Variants in BANP observed in about 807,000 individuals in gnomAD.
BANP encodes the protein BTG3 associated nuclear protein.
Under a neutral mutation model 68.1 loss-of-function variants are expected in BANP, and 11 were observed. The observed-to-expected ratio is 0.16, with a 90% confidence interval of 0.10 to 0.27. The LOEUF (loss-of-function observed/expected upper bound fraction) is 0.27, where lower values mean the gene tolerates loss of function less well. BANP is among the 10% of genes least tolerant of loss of function. The probability of loss-of-function intolerance (pLI) is 1.00; values close to 1 mark genes in which losing one functional copy is unlikely to be tolerated. For missense variants in BANP, 504 were observed against 722.7 expected (o/e 0.70, Z 3.47); for synonymous variants, 329 against 303.2 (o/e 1.09, Z -0.88).
intron 8 of BANP, 41 bp downstream of exon 8, chr16:88,027,691 G>C (rs531487815): frequency 3.9e-5 from 62 of 1,608,060 alleles, no homozygotes; most frequent in Non-Finnish European, 5.2e-5. Flanking sequence ...TCCCCCGCTC[G>C]GGGCAGCTGG....
chr16:88,046,062 C>G (rs1479727994), intron 11 of BANP, among the ~76,000 whole-genome samples: 1 of 152,260 alleles, frequency 6.6e-6, no homozygotes, highest in Non-Finnish European at 1.5e-5. Flanking sequence ...ACTGACCACA[C>G]TGGCACTGGT....
intron 4 of BANP, among the ~76,000 whole-genome samples, chr16:88,001,187 T>C (rs6540135): frequency 0.97 from 63,963 of 65,940 alleles, 31,276 homozygotes; most frequent in Non-Finnish European, 0.99. Context: ...CACGCACGTG[T>C]GCGGCTGTAC....
intron 8 of BANP, among the ~76,000 whole-genome samples, chr16:88,031,354 G>C (rs182004014): frequency 6.6e-6 from 1 of 152,292 alleles, no homozygotes; most frequent in East Asian, 1.9e-4. Context: ...TCAACATTCT[G>C]TTAATGTGAC....
At chr16:88,025,207 T>C (rs1241459692) in intron 7 of BANP, among the ~76,000 whole-genome samples, 1 of 152,166 alleles carries the variant, frequency 6.6e-6, no homozygotes, top group East Asian at 1.9e-4. Flanking sequence ...CTCATGAAAC[T>C]ATTGAAGTGC....
intron 1 of BANP, among the ~76,000 whole-genome samples, chr16:87,961,407 G>GCCCCC (rs149889657): frequency 0.099 from 11,122 of 112,282 alleles, 2,307 homozygotes; most frequent in Non-Finnish European, 0.17. Context: ...CACAGAATCT[G>GCCCCC]CACCCCCCCG....
At chr16:88,011,526 G>A (rs557554523) in intron 6 of BANP, among the ~76,000 whole-genome samples, 101 of 152,188 alleles carry the variant, frequency 6.6e-4, no homozygotes, top group Middle Eastern at 3.4e-3. Context: ...CAATAGAATC[G>A]TTGATGGAAA....
chr16:87,960,208 A>T (rs1201298188), intron 1 of BANP, among the ~76,000 whole-genome samples: 1 of 152,220 alleles, frequency 6.6e-6, no homozygotes, highest in Non-Finnish European at 1.5e-5. Flanking sequence ...GAGATGCGAA[A>T]CACTGGCCGT....
At chr16:88,010,475 G>A (rs2072732607) in intron 6 of BANP, among the ~76,000 whole-genome samples, 2 of 152,234 alleles carry the variant, frequency 1.3e-5, no homozygotes, top group Non-Finnish European at 2.9e-5. Flanking sequence ...AGGCACAGCT[G>A]GGAGAGTTGG....
chr16:87,965,858 C>T (rs1412052712), intron 1 of BANP, among the ~76,000 whole-genome samples: 1 of 152,138 alleles, frequency 6.6e-6, no homozygotes, highest in Admixed American at 6.5e-5. Flanking sequence ...GTAAGGCCTA[C>T]GGAATAAGGC....
chr16:88,030,467 A>G (rs1399944589), intron 8 of BANP, among the ~76,000 whole-genome samples: 1 of 152,260 alleles, frequency 6.6e-6, no homozygotes, highest in South Asian at 2.1e-4. Context: ...TGGTAAGGTT[A>G]GCGGTCTGCT....
At chr16:87,979,730 G>A (rs1441488093) in intron 2 of BANP, among the ~76,000 whole-genome samples, 1 of 152,158 alleles carries the variant, frequency 6.6e-6, no homozygotes, top group Non-Finnish European at 1.5e-5. Context: ...GTTACAATAC[G>A]CATGCTCATA....
chr16:88,011,255 G>C (rs2073031410), intron 6 of BANP, among the ~76,000 whole-genome samples: 1 of 152,110 alleles, frequency 6.6e-6, no homozygotes, highest in African/African-American at 2.4e-5. Context: ...TTGGTGCTGA[G>C]CAGTCAGGAG....
intron 8 of BANP, among the ~76,000 whole-genome samples, chr16:88,030,446 G>T (rs1042597841): frequency 6.6e-6 from 1 of 152,222 alleles, no homozygotes; most frequent in African/African-American, 2.4e-5. Flanking sequence ...TGTGTTTCGG[G>T]TACGTGCATT....
intron 9 of BANP, among the ~76,000 whole-genome samples, chr16:88,034,334 T>C (rs1201522218): frequency 2.0e-5 from 3 of 152,244 alleles, no homozygotes; most frequent in Non-Finnish European, 4.4e-5. Context: ...AAGGCTTACA[T>C]AGAACATTCT....
In BANP at chr16:88,057,235, C is replaced by T. The variant is rs2085300620; in HGVS notation, c.1312-8032C>T. Among the ~76,000 whole-genome samples, 1 of 152,152 alleles carries T rather than the reference C, an allele frequency of 6.6e-6. No individual in the cohort carries two copies. The highest frequency in any genetic ancestry group is 1.5e-5 in the Non-Finnish European group (1 of 68,026). On this transcript the variant is annotated intron_variant, in intron 11 of 13. Coordinates refer to ENST00000682872, the MANE Select transcript of BANP (RefSeq NM_001386991.1). The surrounding 1 kb of genome is among the most constrained non-coding windows in gnomAD (Gnocchi z 4.6). The stretch of plus-strand genomic sequence containing the variant: ...GGGATGCTTCGAAGTGGGGTACGGG[C>T]CAGCCGCCAAGAGCTCACCCAGCGC...
rs1235263968 is a variant in BANP, at chr16:87,957,372, CG to C, written c.-69+5862del. Among the ~76,000 whole-genome samples, 1 of 152,140 alleles carries C rather than the reference CG, an allele frequency of 6.6e-6. No homozygotes were observed. The highest frequency in any genetic ancestry group is 2.4e-5 in the African/African-American group (1 of 41,424). On this transcript the variant is annotated intron_variant, in intron 1 of 13. Coordinates refer to ENST00000682872, the MANE Select transcript of BANP (RefSeq NM_001386991.1). This position sits in a 1 kb window ranked among gnomAD's most constrained non-coding sequence, Gnocchi z 4.3. The stretch of plus-strand genomic sequence containing the variant: ...CTGAGGAAGGCTGGGCAGAATGGAT[CG>C]GGGGTGTGTATTGGCTGCAGTCACC...
intron 4 of BANP, among the ~76,000 whole-genome samples, chr16:87,984,966 T>A (rs1237135987): frequency 6.6e-6 from 1 of 152,192 alleles, no homozygotes; most frequent in Non-Finnish European, 1.5e-5. Context: ...TCACTTCAGG[T>A]TCCCTGGCCT....
intron 11 of BANP, among the ~76,000 whole-genome samples, chr16:88,040,428 G>A (rs374948459): frequency 1.7e-4 from 26 of 152,114 alleles, no homozygotes; most frequent in African/African-American, 4.8e-5. Flanking sequence ...AAGAAGCCCC[G>A]AGCAGTGCGG....
rs1329742234 is a variant in BANP at position 88,004,874 on chromosome 16, A to G, written c.479+463A>G. 6.6e-6 allele frequency among the ~76,000 whole-genome samples: 1 copy of G among 152,104 alleles called. No homozygotes were observed. The highest frequency in any genetic ancestry group is 1.5e-5 in the Non-Finnish European group (1 of 68,004). ...ACATTTTGAATGGAACTTTGGTCAG[A>G]GGTGGGAGTGGACAGAAGACACCGT... On this transcript the variant is annotated intron_variant, in intron 5 of 13. Transcript: ENST00000682872. This position sits in a 1 kb window ranked among gnomAD's most constrained non-coding sequence, Gnocchi z 7.0.
Sources: allele counts gnomAD v4.1 joint callset (sites outside exome capture counted in the v4.1 genomes callset), GRCh38; gene constraint gnomAD v4.1.1; non-coding constraint Gnocchi (gnomAD v3.1); transcripts MANE v1.5; gene names NCBI Gene and HGNC (gene_info 2026-07-23, HGNC 2026-07-21).